GPR39: variants seen among roughly 807,000 people sequenced by gnomAD.
GPR39 encodes zinc sensing receptor.
A neutral mutation model predicts 18.4 loss-of-function variants in GPR39; 23 were observed. The ratio of observed to expected loss-of-function variants is 1.25; its 90% CI spans 0.90 to 1.77. The LOEUF (loss-of-function observed/expected upper bound fraction) is 1.77, where lower values mean the gene tolerates loss of function less well. GPR39 is among the 40% of genes most tolerant of loss of function. GPR39 has a pLI of 0.00. For missense variants in GPR39, 647 were observed against 602.4 expected (o/e 1.07, Z -0.78); for synonymous variants, 280 against 257.9 (o/e 1.09, Z -0.82).
chr2:132,441,153 C>T (rs1680431208), intron 1 of GPR39, among the ~76,000 whole-genome samples: 1 of 152,130 alleles, frequency 6.6e-6, no homozygotes, highest in Non-Finnish European at 1.5e-5. Flanking sequence ...ATATGCCAGC[C>T]TCTGTTCTGG....
intron 1 of GPR39, among the ~76,000 whole-genome samples, chr2:132,642,666 TTGTC>T (rs1177900483): frequency 1.3e-5 from 2 of 152,250 alleles, no homozygotes; most frequent in African/African-American, 2.4e-5. Flanking sequence ...CTCATTGCCT[TTGTC>T]TGTTGGCTTT....
intron 1 of GPR39, among the ~76,000 whole-genome samples, chr2:132,535,753 G>A (rs1187094190): frequency 1.4e-5 from 2 of 142,952 alleles, no homozygotes; most frequent in African/African-American, 5.2e-5. Context: ...ACTTGTTATT[G>A]GTCTATTCAG....
At chr2:132,514,343 C>A (rs1573640552) in intron 1 of GPR39, among the ~76,000 whole-genome samples, 2 of 152,164 alleles carry the variant, frequency 1.3e-5, no homozygotes, top group Admixed American at 6.5e-5. Context: ...CCACTGCCTG[C>A]CACTGTACAC....
chr2:132,610,796 A>AAAAAAG (rs1553460049), intron 1 of GPR39, among the ~76,000 whole-genome samples: 2 of 149,602 alleles, frequency 1.3e-5, no homozygotes, highest in African/African-American at 4.9e-5. Flanking sequence ...AAAAAAAAAA[A>AAAAAAG]AAGAAGAAGA....
chr2:132,622,915 C>A (rs1176580359), intron 1 of GPR39, among the ~76,000 whole-genome samples: 1 of 152,120 alleles, frequency 6.6e-6, no homozygotes, highest in African/African-American at 2.4e-5. Flanking sequence ...AGTTCAAGAG[C>A]AGCCTAACCA....
At chr2:132,505,296 G>A (rs1679114504) in intron 1 of GPR39, among the ~76,000 whole-genome samples, 1 of 152,040 alleles carries the variant, frequency 6.6e-6, no homozygotes, top group Admixed American at 6.6e-5. Flanking sequence ...ACATACTTAT[G>A]GGGTACATGT....
rs1469625928 is a variant in GPR39 at position 132,645,887 on chromosome 2, G to C, written c.*281G>C. ...CTGAATTTATTCAGAATGCTTTACC[G>C]AGCTCTTTCATTATTTGCACAGGAA... On this transcript the variant is annotated 3_prime_UTR_variant, in exon 2 of 2. Transcript: ENST00000329321. 3 of 661,340 alleles carry C rather than the reference G, an allele frequency of 4.5e-6. No individual in the cohort carries two copies. Among genetic ancestry groups the C allele is most frequent in the Non-Finnish European group, 7.6e-6 (3 of 396,812 alleles). 41.0% of individuals were successfully genotyped at this position (661,340 alleles called of 1,614,324 possible). A position where few individuals can be genotyped will look rare whatever the true frequency, so the allele number is the denominator to read the frequency against.
At chr2:132,583,932 G>T (rs1472531753) in intron 1 of GPR39, among the ~76,000 whole-genome samples, 3 of 151,938 alleles carry the variant, frequency 2.0e-5, no homozygotes, top group African/African-American at 7.3e-5. Flanking sequence ...TGGTCCCTTT[G>T]GGACCTTGCC....
chr2:132,560,918 CTT>C (rs34504049), intron 1 of GPR39, among the ~76,000 whole-genome samples: 1 of 142,986 alleles, frequency 7.0e-6, no homozygotes. Context: ...TTGTTTTTTG[CTT>C]TTTTTTTTTG....
chr2:132,514,103 C>T (rs1679287306), intron 1 of GPR39, among the ~76,000 whole-genome samples: 1 of 152,114 alleles, frequency 6.6e-6, no homozygotes. Flanking sequence ...GGTTGGCCTG[C>T]TCTCCCACTT....
At chr2:132,483,584 G>T (rs1681275555) in intron 1 of GPR39, among the ~76,000 whole-genome samples, 1 of 152,222 alleles carries the variant, frequency 6.6e-6, no homozygotes, top group Non-Finnish European at 1.5e-5. Flanking sequence ...TGTTATACCA[G>T]AGCCTGGTAA....
chr2:132,549,652 G>A (rs1009572401), intron 1 of GPR39, among the ~76,000 whole-genome samples: 3 of 152,152 alleles, frequency 2.0e-5, no homozygotes, highest in African/African-American at 7.2e-5. Flanking sequence ...GCCAGACGTG[G>A]TGGTGCGCAC....
intron 1 of GPR39, among the ~76,000 whole-genome samples, chr2:132,644,611 T>G (rs543449000): frequency 6.6e-6 from 1 of 152,356 alleles, no homozygotes; most frequent in East Asian, 1.9e-4. Flanking sequence ...GCTGCTTTGT[T>G]GCCAAAGGGA....
At chr2:132,454,906 C>T (rs184518132) in intron 1 of GPR39, among the ~76,000 whole-genome samples, 11 of 152,244 alleles carry the variant, frequency 7.2e-5, no homozygotes, top group Admixed American at 2.6e-4. Context: ...AGGATTTTTG[C>T]GTTGATGTTC....
At chr2:132,615,574 C>T (rs1208983603) in intron 1 of GPR39, among the ~76,000 whole-genome samples, 3 of 152,174 alleles carry the variant, frequency 2.0e-5, no homozygotes. Context: ...GGCCAATTAA[C>T]AGGTGAGATC....
Position 132,468,524 on chromosome 2 carries a change from C to T in GPR39, c.856+50626C>T, listed in dbSNP as rs537285286. Among the ~76,000 whole-genome samples, 29 of 152,198 alleles carry T rather than the reference C, an allele frequency of 1.9e-4. No individual in the cohort carries two copies. In the South Asian group the frequency reaches 2.7e-3, roughly 14 times the overall value. On this transcript the variant is annotated intron_variant, in intron 1 of 1. Coordinates refer to ENST00000329321, the MANE Select transcript of GPR39 (RefSeq NM_001508.3). ...AGAAATGGTCCAGGTTTGGCTGAGGCTAGGGATGTGAATGAGTGTCATGGC... is the reference window on the plus strand; with the variant it reads ...AGAAATGGTCCAGGTTTGGCTGAGGTTAGGGATGTGAATGAGTGTCATGGC...
chr2:132,420,858 GAA>G (rs1679995569), intron 1 of GPR39, among the ~76,000 whole-genome samples: 1 of 152,176 alleles, frequency 6.6e-6, no homozygotes, highest in East Asian at 1.9e-4. Context: ...CTCTGGGAGA[GAA>G]AGAGAGGCTG....
intron 1 of GPR39, among the ~76,000 whole-genome samples, chr2:132,530,480 A>G (rs1025155508): frequency 6.6e-6 from 1 of 152,318 alleles, no homozygotes; most frequent in Admixed American, 6.5e-5. Context: ...GCAGGCCAAC[A>G]TTCAAATTCA....
At chr2:132,625,097 A>G (rs966865611) in intron 1 of GPR39, among the ~76,000 whole-genome samples, 6 of 147,996 alleles carry the variant, frequency 4.1e-5, no homozygotes, top group African/African-American at 1.3e-4. Context: ...TTGCTTCTAC[A>G]TGGCTTTTTT....
Sources: gnomAD v4.1 joint callset for allele counts (sites outside exome capture counted in the v4.1 genomes callset) on GRCh38, gnomAD v4.1.1 for gene constraint, MANE v1.5 for transcripts, NCBI Gene and HGNC (gene_info 2026-07-23, HGNC 2026-07-21) for gene names.